Variants in TNFRSF13B observed in about 807,000 individuals in gnomAD.
TNFRSF13B encodes the protein TNF receptor superfamily member 13B, also known as tumor necrosis factor receptor superfamily member 13B.
A neutral mutation model predicts 24.0 loss-of-function variants in TNFRSF13B; 34 were observed. The ratio of observed to expected loss-of-function variants is 1.41; its 90% CI spans 1.08 to 1.88. TNFRSF13B has a LOEUF of 1.88. Ranked by LOEUF, TNFRSF13B falls within the 40% of genes most tolerant of loss-of-function variation. The pLI is 0.00. For synonymous variants in TNFRSF13B, 173 were observed against 150.3 expected (o/e 1.15, Z -1.10); for missense variants, 415 against 380.8 (o/e 1.09, Z -0.75).
At chr17:16,968,940 T>G (rs1271213602) in intron 1 of TNFRSF13B, among the ~76,000 whole-genome samples, 1 of 152,184 alleles carries the variant, frequency 6.6e-6, no homozygotes, top group East Asian at 1.9e-4. Flanking sequence ...AAGAAGCACA[T>G]GAAAAGATGC....
intron 1 of TNFRSF13B, among the ~76,000 whole-genome samples, chr17:16,965,533 C>T (rs1007879338): frequency 2.0e-5 from 3 of 152,182 alleles, no homozygotes; most frequent in South Asian, 2.1e-4. Flanking sequence ...TAAAGACTTG[C>T]GGAAGGAAAA....
At position 16,966,832 on chromosome 17, in the gene TNFRSF13B, C is replaced by CTTTTTTTTTTTTTTTTTTTT. The variant is rs796602708; in HGVS notation, c.61+5182_61+5183insAAAAAAAAAAAAAAAAAAAA. On this transcript the variant is annotated intron_variant, in intron 1 of 4. Transcript: ENST00000261652. ...TTGGTTTTTTTTGTTTTTTCTTTTT[C>CTTTTTTTTTTTTTTTTTTTT]TTTTTTCTTTTTTTTTTTTTTTTTG... Among the ~76,000 whole-genome samples the CTTTTTTTTTTTTTTTTTTTT allele has an allele frequency of 3.1e-5, 3 of 95,846 alleles. 1 individual carries two copies. Among genetic ancestry groups the CTTTTTTTTTTTTTTTTTTTT allele is most frequent in the African/African-American group, 4.2e-5 (1 of 23,952 alleles). The allele number at this position is 95,846 out of a possible 152,430, so 62.9% of individuals were successfully genotyped here.
At chr17:16,956,426 C>T (rs1448030588) in intron 1 of TNFRSF13B, among the ~76,000 whole-genome samples, 1 of 152,048 alleles carries the variant, frequency 6.6e-6, no homozygotes, top group African/African-American at 2.4e-5. Flanking sequence ...AAACCATTTC[C>T]AGGGACGTCT....
chr17:16,968,028 C>A (rs1370647299), intron 1 of TNFRSF13B, among the ~76,000 whole-genome samples: 1 of 150,264 alleles, frequency 6.7e-6, no homozygotes, highest in Non-Finnish European at 1.5e-5. Context: ...GTAGTTCCAG[C>A]TACTCGGGAT....
chr17:16,951,733 A>G (rs2087589859), intron 2 of TNFRSF13B, among the ~76,000 whole-genome samples: 1 of 152,110 alleles, frequency 6.6e-6, no homozygotes, highest in Admixed American at 6.5e-5. Context: ...TACTAAAAAT[A>G]CAAAATTAGC....
chr17:16,958,220 C>T (rs2087637816), intron 1 of TNFRSF13B, among the ~76,000 whole-genome samples: 1 of 151,602 alleles, frequency 6.6e-6, no homozygotes, highest in African/African-American at 2.4e-5. Context: ...AAGAAAATAA[C>T]TAAAATATGT....
chr17:16,972,090 A>C lies in TNFRSF13B; in HGVS notation c.-15T>G. The C allele has an allele frequency of 2.5e-6, 4 of 1,613,648 alleles. No homozygotes were observed. The highest frequency in any genetic ancestry group is 3.4e-6 in the Non-Finnish European group (4 of 1,179,998). On this transcript the variant is annotated 5_prime_UTR_variant, in exon 1 of 5. Transcript: ENST00000261652. ...AGGCCACTCATTACTCAGGATGCTT[A>C]TTACTAGTCTTAGATTTGATTAGTG...
chr17:16,966,907 C>T (rs1205462573), intron 1 of TNFRSF13B, among the ~76,000 whole-genome samples: 3 of 140,720 alleles, frequency 2.1e-5, no homozygotes, highest in East Asian at 2.3e-4. Flanking sequence ...GGTGCGATCT[C>T]GGCTCACTGA....
rs534582608 is a variant in TNFRSF13B, at chr17:16,939,461, A to C, written c.*86T>G. The C allele has an allele frequency of 2.4e-5, 32 of 1,326,530 alleles. No homozygotes were observed. Among genetic ancestry groups the C allele is most frequent in the East Asian group, 2.3e-4 (6 of 25,730 alleles). The allele number at this position is 1,326,530 out of a possible 1,614,324, so 82.2% of individuals were successfully genotyped here. A position where few individuals can be genotyped will look rare whatever the true frequency, so the allele number is the denominator to read the frequency against. ...CTGCCTCCTCTGTCTCTCTCTCCTC[A>C]TATCTCTCTCCCCTCTCCCCACCTC... On this transcript the variant is annotated 3_prime_UTR_variant, in exon 5 of 5. Coordinates refer to ENST00000261652, the MANE Select transcript of TNFRSF13B (RefSeq NM_012452.3).
intron 1 of TNFRSF13B, among the ~76,000 whole-genome samples, chr17:16,970,724 C>T (rs1190990227): frequency 2.6e-5 from 4 of 152,232 alleles, no homozygotes; most frequent in African/African-American, 9.6e-5. Context: ...CTGCCACTGC[C>T]AGGTCACAGT....
intron 1 of TNFRSF13B, among the ~76,000 whole-genome samples, chr17:16,962,940 G>A (rs11078360): frequency 0.12 from 18,773 of 152,174 alleles, 1,263 homozygotes; most frequent in East Asian, 0.22. Context: ...AATCCAGAGC[G>A]TCTAAAATGG....
intron 3 of TNFRSF13B, 116 bp from the exon 4 acceptor site, chr17:16,940,627 G>A: frequency 1.3e-6 from 2 of 1,525,448 alleles, no homozygotes; most frequent in Admixed American, 2.0e-5. Context: ...TCCTGGAGAG[G>A]CTGGGCTCCT....
At position 16,952,564 on chromosome 17, in the gene TNFRSF13B, C is replaced by T. The variant is rs8072293; in HGVS notation, c.81G>A (p.Thr27=). 1,244,739 of 1,614,088 alleles carry T rather than the reference C, an allele frequency of 0.77. 483,517 individuals are homozygous for T. The highest frequency in any genetic ancestry group is 1 in the East Asian group (44,851 of 44,888). The change falls in exon 2 of 5, where the codon ACG becomes ACA. Residue 27 remains threonine, a synonymous_variant. Transcript: ENST00000261652. ...CGGGGCAGGATCTCATAGCCACCCCCGTCCACAGGCCCTGTGGAACTGAGA... is the reference window on the plus strand; with the variant it reads ...CGGGGCAGGATCTCATAGCCACCCCTGTCCACAGGCCCTGTGGAACTGAGA... ...QEERFPQGLW[T]GVAMRSCPEE...
intron 1 of TNFRSF13B, among the ~76,000 whole-genome samples, chr17:16,959,665 G>T (rs762701392): frequency 6.6e-6 from 1 of 151,854 alleles, no homozygotes; most frequent in Non-Finnish European, 1.5e-5. Flanking sequence ...TTATTTTACA[G>T]AAATAAAAAG....
intron 1 of TNFRSF13B, among the ~76,000 whole-genome samples, chr17:16,957,470 A>G (rs975087470): frequency 2.6e-5 from 4 of 152,166 alleles, no homozygotes; most frequent in African/African-American, 4.8e-5. Context: ...CCCAAATCTG[A>G]GAAGACGTGA....
chr17:16,954,928 A>G (rs190962033), intron 1 of TNFRSF13B, among the ~76,000 whole-genome samples: 61 of 152,138 alleles, frequency 4.0e-4, no homozygotes, highest in Non-Finnish European at 1.2e-4. Context: ...CCCTCTCCTT[A>G]CCCACCCCAG....
intron 4 of TNFRSF13B, 83 bp from the exon 5 acceptor site, chr17:16,939,880 C>T (rs544683144): frequency 6.1e-6 from 9 of 1,467,498 alleles, no homozygotes; most frequent in Non-Finnish European, 8.1e-6. Flanking sequence ...CCGCACTCTC[C>T]CCCGACCCAG....
chr17:16,943,185 C>T (rs1005341942), intron 3 of TNFRSF13B, among the ~76,000 whole-genome samples: 16 of 152,206 alleles, frequency 1.1e-4, no homozygotes, highest in African/African-American at 3.9e-4. Context: ...CACAGAGCCA[C>T]GCAGGGTCAC....
At chr17:16,953,585 T>C (rs957490120) in intron 1 of TNFRSF13B, among the ~76,000 whole-genome samples, 1 of 152,188 alleles carries the variant, frequency 6.6e-6, no homozygotes, top group Non-Finnish European at 1.5e-5. Context: ...TCTGGTTTTG[T>C]TCCTCCACTT....
Sources: gnomAD v4.1 joint callset for allele counts (sites outside exome capture counted in the v4.1 genomes callset) on GRCh38, gnomAD v4.1.1 for gene constraint, MANE v1.5 for transcripts, NCBI Gene and HGNC (gene_info 2026-07-23, HGNC 2026-07-21) for gene names.